AP3B2: variants seen among roughly 807,000 people sequenced by gnomAD.
AP3B2 encodes AP-3 complex subunit beta-2.
AP3B2 carries 50 observed loss-of-function variants against 126.9 expected under a neutral mutation model. That is an observed-to-expected ratio of 0.39 (90% CI 0.31 to 0.50). AP3B2 has a LOEUF of 0.50. Among genes scored for constraint, AP3B2 ranks in the 20% least tolerant of loss-of-function variants. The pLI, the probability that AP3B2 is intolerant of heterozygous loss-of-function variation, is 0.79. For missense variants in AP3B2, 1,177 were observed against 1,426.4 expected (o/e 0.83, Z 2.82); for synonymous variants, 541 against 565.0 (o/e 0.96, Z 0.60).
At chr15:82,674,749 T>C (rs536520168) in intron 14 of AP3B2, among the ~76,000 whole-genome samples, 2 of 152,282 alleles carry the variant, frequency 1.3e-5, no homozygotes, top group South Asian at 4.1e-4. Context: ...GGAAATGACA[T>C]GTGGACAGGC....
At chr15:82,684,770 G>A (rs1250054266) in intron 4 of AP3B2, among the ~76,000 whole-genome samples, 1 of 152,176 alleles carries the variant, frequency 6.6e-6, no homozygotes, top group Non-Finnish European at 1.5e-5. Flanking sequence ...GGGATTACAG[G>A]TGTGAGCCAC....
At chr15:82,675,655 G>A (rs1259858581) in intron 14 of AP3B2, among the ~76,000 whole-genome samples, 1 of 152,218 alleles carries the variant, frequency 6.6e-6, no homozygotes, top group Non-Finnish European at 1.5e-5. Context: ...TAACCCTGCT[G>A]TTGTAGCACA....
In AP3B2 at chr15:82,664,310, C is replaced by G; in HGVS notation, c.2261+57G>C. ...GACTGGCTAAAGCTCAATGCTAGCC[C>G]TCTTTCCAGGAAAGCCCCCTGAACC... On this transcript the variant is annotated intron_variant, in intron 19 of 26. Transcript: ENST00000535359. The surrounding 1 kb of genome is among the most constrained non-coding windows in gnomAD (Gnocchi z 4.5). 1 of 1,611,236 alleles carries G rather than the reference C, an allele frequency of 6.2e-7. No homozygotes were observed. The highest frequency in any genetic ancestry group is 8.5e-7 in the Non-Finnish European group (1 of 1,179,556).
At chr15:82,694,726 AAAC>A (rs2048605805) in intron 1 of AP3B2, among the ~76,000 whole-genome samples, 1 of 151,936 alleles carries the variant, frequency 6.6e-6, no homozygotes, top group South Asian at 2.1e-4. Flanking sequence ...ATGGTGGCTT[AAAC>A]AACATAAATT....
Position 82,681,364 on chromosome 15 carries a change from G to C in AP3B2, c.521+56C>G. Reference sequence around the variant, plus strand: ...CAAGACTTAGGAAAGGCCAGGGGTGGGTTGAGAACTTAGGAACCAGCCTCC... The same window carrying C: ...CAAGACTTAGGAAAGGCCAGGGGTGCGTTGAGAACTTAGGAACCAGCCTCC... On this transcript the variant is annotated intron_variant, in intron 5 of 26. Coordinates refer to ENST00000535359, the MANE Select transcript of AP3B2 (RefSeq NM_001278512.2). This position sits in a 1 kb window ranked among gnomAD's most constrained non-coding sequence, Gnocchi z 4.0. 6.3e-7 allele frequency: 1 copy of C among 1,599,352 alleles called. No individual in the cohort carries two copies. The highest frequency in any genetic ancestry group is 8.5e-7 in the Non-Finnish European group (1 of 1,171,448).
At chr15:82,694,156 A>C (rs1204335356) in intron 1 of AP3B2, among the ~76,000 whole-genome samples, 1 of 151,606 alleles carries the variant, frequency 6.6e-6, no homozygotes, top group African/African-American at 2.4e-5. Context: ...GGTGTGCACC[A>C]CCATGCCTGG....
Position 82,692,062 on chromosome 15 carries a change from C to G in AP3B2, c.114-2609G>C, listed in dbSNP as rs972294790. On this transcript the variant is annotated intron_variant, in intron 1 of 26. Coordinates refer to ENST00000535359, the MANE Select transcript of AP3B2 (RefSeq NM_001278512.2). ...TGAAACAAGAACTCGGAAATCAGATCTTCTTGCAGAAGGCCCATTCCTCCC... is the reference window on the plus strand; with the variant it reads ...TGAAACAAGAACTCGGAAATCAGATGTTCTTGCAGAAGGCCCATTCCTCCC... 5.4e-6 allele frequency: 8 copies of G among 1,490,530 alleles called. No homozygotes were observed. The African/African-American group carries it at 1.1e-4, about 21-fold the overall frequency. The allele number at this position is 1,490,530 out of a possible 1,614,324, so 92.3% of individuals were successfully genotyped here.
chr15:82,699,697 G>C (rs1486190000), intron 1 of AP3B2: 1 of 399,516 alleles, frequency 2.5e-6, no homozygotes, highest in Non-Finnish European at 4.4e-6. Context: ...TGCTTCTGGG[G>C]TCGTGTCTTC....
At chr15:82,679,237 C>A (rs1195258143) in intron 10 of AP3B2, among the ~76,000 whole-genome samples, 1 of 152,206 alleles carries the variant, frequency 6.6e-6, no homozygotes, top group African/African-American at 2.4e-5. Flanking sequence ...AATTCTCTAG[C>A]CTCAGCCTCT....
At position 82,662,239 on chromosome 15, in the gene AP3B2, A is replaced by G. The variant is rs1344568575; in HGVS notation, c.2847T>C (p.Pro949=). ...QEFPEIESLA[P]GESATAVMGI... ...CCATTACAGCAGTGGCAGATTCTCC[A>G]GGTGCCAGGGACTCTGAAGTGGTAT... is the stretch of plus-strand genomic sequence containing the variant. Residue 949 remains proline, a synonymous_variant, in exon 24 of 27, where the codon CCT becomes CCC. Coordinates refer to ENST00000535359, the MANE Select transcript of AP3B2 (RefSeq NM_001278512.2). 3 of 1,598,284 alleles carry G rather than the reference A, an allele frequency of 1.9e-6. No individual in the cohort carries two copies. The highest frequency in any genetic ancestry group is 2.6e-6 in the Non-Finnish European group (3 of 1,172,016).
intron 1 of AP3B2, among the ~76,000 whole-genome samples, chr15:82,698,848 CAGG>C (rs898039009): frequency 6.6e-6 from 1 of 152,108 alleles, no homozygotes; most frequent in Non-Finnish European, 1.5e-5. Flanking sequence ...CAGGCCCCTG[CAGG>C]AGAAGGGGAA....
At chr15:82,666,608 C>T in intron 15 of AP3B2, 139 bp downstream of exon 15, 1 of 921,530 alleles carries the variant, frequency 1.1e-6, no homozygotes, top group South Asian at 1.9e-5. Flanking sequence ...ACAGGAGGGA[C>T]AAAAGGAGTG....
chr15:82,670,513 A>G (rs2048138709), intron 14 of AP3B2, among the ~76,000 whole-genome samples: 1 of 152,214 alleles, frequency 6.6e-6, no homozygotes, highest in Non-Finnish European at 1.5e-5. Context: ...GCAGAACAAT[A>G]AAACCAGACC....
At chr15:82,661,703 C>G in intron 25 of AP3B2, 122 bp downstream of exon 25, 2 of 741,894 alleles carry the variant, frequency 2.7e-6, no homozygotes, top group Non-Finnish European at 4.5e-6. Context: ...TGGCCCGTTA[C>G]AGAAAGTTTG....
intron 1 of AP3B2, 65 bp downstream of exon 1, chr15:82,709,529 G>C: frequency 8.1e-7 from 1 of 1,236,534 alleles, no homozygotes; most frequent in Non-Finnish European, 1.1e-6. Context: ...TGTCCATGGT[G>C]CCCGCGCGCC....
chr15:82,670,194 C>T (rs1389964311), intron 14 of AP3B2, among the ~76,000 whole-genome samples: 2 of 147,566 alleles, frequency 1.4e-5, no homozygotes, highest in Non-Finnish European at 3.0e-5. Flanking sequence ...ACTGCAACCT[C>T]CGCCTCCCGG....
chr15:82,666,770 G>A lies in AP3B2; in HGVS notation c.1829C>T (p.Pro610Leu). The change falls in exon 15 of 27, where the codon CCA (proline) becomes CTA (leucine). Residue 610 changes from proline (P) to leucine (L), a missense_variant. Pro to Leu is a moderately conservative substitution (Grantham distance 98). This residue lies in a region of AP3B2 where 308 missense variants were observed against 452.4 expected (regional missense o/e 0.68). Coordinates refer to ENST00000535359, the MANE Select transcript of AP3B2 (RefSeq NM_001278512.2). ...KKLFLAPKPAPVLESSFKDRD... is the reference protein window; with the variant it reads ...KKLFLAPKPALVLESSFKDRD... ...ACCTTTGAAGGATGACTCCAAGACTGGAGCTGGTTTGGGTGCCAGGAAGAG... is the reference window on the plus strand; with the variant it reads ...ACCTTTGAAGGATGACTCCAAGACTAGAGCTGGTTTGGGTGCCAGGAAGAG... 1.2e-6 allele frequency: 2 copies of A among 1,613,964 alleles called. No individual in the cohort carries two copies. The highest frequency in any genetic ancestry group is 8.5e-7 in the Non-Finnish European group (1 of 1,179,858).
intron 1 of AP3B2, among the ~76,000 whole-genome samples, chr15:82,700,133 C>A (rs968840568): frequency 6.6e-5 from 10 of 152,112 alleles, no homozygotes; most frequent in African/African-American, 2.2e-4. Context: ...CCCTCTTCAG[C>A]TCCAATCCCA....
chr15:82,670,850 G>GA (rs563670168), intron 14 of AP3B2, among the ~76,000 whole-genome samples: 22 of 150,798 alleles, frequency 1.5e-4, no homozygotes, highest in African/African-American at 1.5e-4. Flanking sequence ...AACTCAATAG[G>GA]AAAAAAAAAT....
Sources: allele counts gnomAD v4.1 joint callset (sites outside exome capture counted in the v4.1 genomes callset), GRCh38; gene constraint gnomAD v4.1.1; regional missense constraint gnomAD v4.1.1; non-coding constraint Gnocchi (gnomAD v3.1); transcripts MANE v1.5; gene names NCBI Gene and HGNC (gene_info 2026-07-23, HGNC 2026-07-21).